The following PPA2 variants were observed in gnomAD, a reference collection of about 807,000 sequenced individuals.
PPA2 encodes inorganic pyrophosphatase 2, mitochondrial.
Under a neutral mutation model 49.5 loss-of-function variants are expected in PPA2, and 48 were observed. The observed-to-expected ratio is 0.97, with a 90% CI of 0.77 to 1.23. PPA2 has a LOEUF of 1.23. Ranked by LOEUF, PPA2 falls within the 50% of genes most tolerant of loss-of-function variation. PPA2 has a pLI of 0.00. For missense variants in PPA2, 429 were observed against 410.1 expected, an observed-to-expected ratio of 1.05 and a Z score of -0.40; for synonymous variants, 131 against 139.9, an observed-to-expected ratio of 0.94 and a Z score of 0.45.
intron 1 of PPA2, among the ~76,000 whole-genome samples, chr4:105,462,798 A>G (rs766680205): frequency 3.4e-4 from 52 of 152,166 alleles, no homozygotes; most frequent in Admixed American, 2.0e-3. Context: ...TAAGTCTCAC[A>G]AGATCTGATG....
chr4:105,465,508 G>A (rs373180421), intron 1 of PPA2, among the ~76,000 whole-genome samples: 2 of 151,822 alleles, frequency 1.3e-5, no homozygotes, highest in South Asian at 2.1e-4. Flanking sequence ...ATGCATTCAC[G>A]TTTTTTTGGT....
intron 9 of PPA2, among the ~76,000 whole-genome samples, chr4:105,393,926 G>A (rs1023200397): frequency 4.6e-5 from 7 of 152,138 alleles, no homozygotes; most frequent in Non-Finnish European, 8.8e-5. Flanking sequence ...GGATTAAAAT[G>A]AGTTAAAATT....
At chr4:105,430,151 G>T (rs1345019998) in intron 6 of PPA2, among the ~76,000 whole-genome samples, 2 of 152,138 alleles carry the variant, frequency 1.3e-5, no homozygotes, top group Non-Finnish European at 2.9e-5. Flanking sequence ...AGAAAACAAG[G>T]TATGTAGAAA....
chr4:105,451,860 G>A (rs1722692277), intron 3 of PPA2, among the ~76,000 whole-genome samples: 1 of 152,296 alleles, frequency 6.6e-6, no homozygotes. Context: ...CAGCTAAGAT[G>A]CATTTGTCCT....
chr4:105,404,749 C>T (rs1722381351), intron 7 of PPA2, among the ~76,000 whole-genome samples: 1 of 152,152 alleles, frequency 6.6e-6, no homozygotes, highest in African/African-American at 2.4e-5. Flanking sequence ...GTTACACTTA[C>T]AGGCAAATTA....
intron 7 of PPA2, among the ~76,000 whole-genome samples, chr4:105,414,523 G>A (rs1241089787): frequency 2.6e-5 from 4 of 152,238 alleles, no homozygotes; most frequent in Non-Finnish European, 4.4e-5. Flanking sequence ...CCGGCTCCCT[G>A]CGAGGCTGCA....
At chr4:105,420,584 G>C (rs574383455) in intron 7 of PPA2, among the ~76,000 whole-genome samples, 4 of 152,204 alleles carry the variant, frequency 2.6e-5, no homozygotes, top group Admixed American at 2.6e-4. Context: ...TGACAAATAT[G>C]CCAAGAAGTA....
At chr4:105,468,408 C>A (rs1440592973) in intron 1 of PPA2, among the ~76,000 whole-genome samples, 2 of 152,034 alleles carry the variant, frequency 1.3e-5, no homozygotes, top group Non-Finnish European at 2.9e-5. Flanking sequence ...AAAGCAGTTT[C>A]CTCTGGGAAA....
intron 1 of PPA2, among the ~76,000 whole-genome samples, chr4:105,465,753 C>T (rs946105873): frequency 6.6e-6 from 1 of 152,180 alleles, no homozygotes; most frequent in Non-Finnish European, 1.5e-5. Flanking sequence ...GACCACCCCC[C>T]AGCAAGACAT....
At chr4:105,431,044 G>A (rs747613634) in intron 6 of PPA2, among the ~76,000 whole-genome samples, 50 of 152,132 alleles carry the variant, frequency 3.3e-4, no homozygotes, top group Non-Finnish European at 6.3e-4. Flanking sequence ...CTGCCAAACT[G>A]TACTAAGAAA....
chr4:105,391,344 CAAAAA>C (rs11373169), intron 9 of PPA2, among the ~76,000 whole-genome samples: 1 of 102,524 alleles, frequency 9.8e-6, no homozygotes, highest in South Asian at 3.6e-4. Flanking sequence ...CTTAAAGTAA[CAAAAA>C]AAAAAAAAAA....
chr4:105,426,700 G>GA (rs935801166), intron 6 of PPA2, among the ~76,000 whole-genome samples: 8 of 152,222 alleles, frequency 5.3e-5, no homozygotes, highest in Non-Finnish European at 1.2e-4. Context: ...AAGCCGCAGG[G>GA]AAGTGTGAAC....
At chr4:105,383,682 G>T (rs772960661) in intron 10 of PPA2, among the ~76,000 whole-genome samples, 1 of 152,160 alleles carries the variant, frequency 6.6e-6, no homozygotes, top group Non-Finnish European at 1.5e-5. Context: ...GTCTGGCCTT[G>T]TAATGACCAT....
chr4:105,471,130 A>G (rs1426270742), intron 1 of PPA2, among the ~76,000 whole-genome samples: 1 of 152,246 alleles, frequency 6.6e-6, no homozygotes, highest in East Asian at 1.9e-4. Context: ...TGTTTTAACG[A>G]AAACCTAATA....
intron 7 of PPA2, among the ~76,000 whole-genome samples, chr4:105,401,202 G>C (rs1734350917): frequency 6.6e-6 from 1 of 152,004 alleles, no homozygotes; most frequent in Non-Finnish European, 1.5e-5. Flanking sequence ...AAATTCCTGA[G>C]AGTTAAAAAC....
chr4:105,405,254 A>C, intron 7 of PPA2: 1 of 729,862 alleles, frequency 1.4e-6, no homozygotes, highest in Non-Finnish European at 1.7e-6. Flanking sequence ...TAAAAATAAC[A>C]TATATAAAAA....
intron 9 of PPA2, among the ~76,000 whole-genome samples, chr4:105,391,344 C>CAAA (rs11373169): frequency 0.022 from 2,271 of 102,468 alleles, 105 homozygotes; most frequent in African/African-American, 0.063. Context: ...CTTAAAGTAA[C>CAAA]AAAAAAAAAA....
At chr4:105,415,100 G>C (rs759488232) in intron 7 of PPA2, among the ~76,000 whole-genome samples, 1 of 152,192 alleles carries the variant, frequency 6.6e-6, no homozygotes, top group Non-Finnish European at 1.5e-5. Flanking sequence ...CCCATGGGCA[G>C]CCATGGTTAG....
intron 2 of PPA2, chr4:105,456,247 C>T (rs1027732912): frequency 2.1e-6 from 1 of 474,414 alleles, no homozygotes; most frequent in African/African-American, 2.0e-5. Context: ...CTGGCACTTA[C>T]CAGATCTTAG....
Sources: allele counts gnomAD v4.1 joint callset (sites outside exome capture counted in the v4.1 genomes callset), GRCh38; gene constraint gnomAD v4.1.1; transcripts MANE v1.5; gene names NCBI Gene and HGNC (gene_info 2026-07-23, HGNC 2026-07-21).